THSD4: variants seen among roughly 807,000 people sequenced by gnomAD.
THSD4 encodes thrombospondin type-1 domain-containing protein 4.
THSD4 carries 69 observed loss-of-function variants against 119.0 expected under a neutral mutation model. The observed-to-expected ratio is 0.58, with a 90% confidence interval of 0.48 to 0.71. The LOEUF (loss-of-function observed/expected upper bound fraction) is 0.71. THSD4 is among the 30% of genes least tolerant of loss of function. The pLI, the probability that THSD4 is intolerant of heterozygous loss-of-function variation, is 0.00. For missense variants in THSD4, 1,393 were observed against 1,391.1 expected (o/e 1.00, Z -0.02); for synonymous variants, 524 against 540.4 (o/e 0.97, Z 0.42).
At chr15:71,514,287 G>A (rs1431994285) in intron 7 of THSD4, among the ~76,000 whole-genome samples, 1 of 152,190 alleles carries the variant, frequency 6.6e-6, no homozygotes, top group Non-Finnish European at 1.5e-5. Flanking sequence ...AATGGCACCT[G>A]TGATGGAAAG....
At chr15:71,263,721 A>T (rs113930110) in intron 6 of THSD4, among the ~76,000 whole-genome samples, 3,371 of 152,272 alleles carry the variant, frequency 0.022, 58 homozygotes, top group African/African-American at 0.044. Flanking sequence ...ATTAGAATTG[A>T]TCCACATTGT....
At chr15:71,729,407 C>T (rs2052929352) in intron 9 of THSD4, 1 of 152,280 alleles carries the variant, frequency 6.6e-6, no homozygotes, top group African/African-American at 2.4e-5. Flanking sequence ...CTTGAAATAA[C>T]ATTTTGATAA....
At chr15:71,720,734 A>G (rs912103417) in intron 8 of THSD4, among the ~76,000 whole-genome samples, 4 of 152,230 alleles carry the variant, frequency 2.6e-5, no homozygotes, top group Admixed American at 6.5e-5. Flanking sequence ...ATTTTAGACC[A>G]GAAATGGCAA....
chr15:71,523,328 A>G (rs1376569914), intron 7 of THSD4, among the ~76,000 whole-genome samples: 3 of 151,762 alleles, frequency 2.0e-5, no homozygotes, highest in Admixed American at 6.6e-5. Flanking sequence ...CATCCCTCCA[A>G]TCTCTGGCTC....
chr15:71,176,162 T>C (rs553002610), intron 3 of THSD4, among the ~76,000 whole-genome samples: 50 of 147,398 alleles, frequency 3.4e-4, no homozygotes, highest in African/African-American at 1.2e-3. Context: ...ATAAATGGAC[T>C]ACATTCTGCA....
chr15:71,317,513 T>C (rs1282663505), intron 6 of THSD4, among the ~76,000 whole-genome samples: 2 of 152,186 alleles, frequency 1.3e-5, no homozygotes, highest in Admixed American at 1.3e-4. Context: ...TTATTCACTA[T>C]CATGAGAACA....
chr15:71,123,348 A>G (rs568069627), intron 1 of THSD4, among the ~76,000 whole-genome samples: 3 of 152,300 alleles, frequency 2.0e-5, no homozygotes, highest in Admixed American at 2.0e-4. Context: ...CTGACTCTGC[A>G]TGTGTGGCTT....
At chr15:71,228,596 A>G (rs1387749191) in intron 4 of THSD4, among the ~76,000 whole-genome samples, 6 of 152,228 alleles carry the variant, frequency 3.9e-5, no homozygotes, top group Non-Finnish European at 8.8e-5. Context: ...CTTGTGTAAC[A>G]TGAGAAGAAT....
intron 7 of THSD4, among the ~76,000 whole-genome samples, chr15:71,540,776 G>A (rs573409016): frequency 6.6e-5 from 9 of 135,754 alleles, no homozygotes; most frequent in Admixed American, 4.0e-4. Context: ...AGGCTGGAGT[G>A]CAGTGGCAGG....
intron 7 of THSD4, among the ~76,000 whole-genome samples, chr15:71,558,232 G>A (rs1263256109): frequency 6.6e-6 from 1 of 152,180 alleles, no homozygotes; most frequent in Non-Finnish European, 1.5e-5. Context: ...GGAGGCTGAG[G>A]CAGGGGAATC....
At chr15:71,255,766 G>GA (rs2044308264) in intron 5 of THSD4, among the ~76,000 whole-genome samples, 1 of 152,160 alleles carries the variant, frequency 6.6e-6, no homozygotes, top group Admixed American at 6.5e-5. Context: ...TTGCTCTCAT[G>GA]AAAAATCTGT....
At chr15:71,296,911 A>G (rs2044870393) in intron 6 of THSD4, among the ~76,000 whole-genome samples, 1 of 152,186 alleles carries the variant, frequency 6.6e-6, no homozygotes. Flanking sequence ...CATCGACATC[A>G]TGAAGTCTCT....
intron 7 of THSD4, among the ~76,000 whole-genome samples, chr15:71,537,874 C>T (rs1431821806): frequency 3.9e-5 from 6 of 152,122 alleles, no homozygotes; most frequent in Middle Eastern, 3.4e-3. Context: ...GTGATTTTCA[C>T]ACCTCACCCT....
chr15:71,237,598 T>C (rs999547244), intron 4 of THSD4, among the ~76,000 whole-genome samples: 10 of 152,184 alleles, frequency 6.6e-5, no homozygotes, highest in Non-Finnish European at 8.8e-5. Context: ...CTAGACCCGC[T>C]GAAGCAGAAG....
intron 8 of THSD4, among the ~76,000 whole-genome samples, chr15:71,720,163 G>A (rs1035779281): frequency 3.3e-5 from 5 of 149,592 alleles, no homozygotes; most frequent in East Asian, 2.0e-4. Context: ...GGATCCTCTC[G>A]CCTCAGCCTC....
At chr15:71,554,169 A>G (rs915324774) in intron 7 of THSD4, among the ~76,000 whole-genome samples, 1 of 146,988 alleles carries the variant, frequency 6.8e-6, no homozygotes, top group African/African-American at 2.5e-5. Context: ...AGCTCACTGC[A>G]AGCTCCGCCT....
intron 7 of THSD4, among the ~76,000 whole-genome samples, chr15:71,556,584 AAATAAT>A (rs58535568): frequency 0.036 from 5,508 of 152,076 alleles, 324 homozygotes; most frequent in African/African-American, 0.13. Context: ...TCTACAAAAA[AAATAAT>A]AATAATTGAA....
chr15:71,497,547 T>A (rs1302235590), intron 7 of THSD4, among the ~76,000 whole-genome samples: 1 of 151,808 alleles, frequency 6.6e-6, no homozygotes, highest in Non-Finnish European at 1.5e-5. Context: ...GTGAGTGAAA[T>A]AATATATATA....
chr15:71,515,273 T>A (rs1290602507), intron 7 of THSD4, among the ~76,000 whole-genome samples: 1 of 152,234 alleles, frequency 6.6e-6, no homozygotes, highest in Non-Finnish European at 1.5e-5. Context: ...TTTGATGTTG[T>A]CTAGCTCCAT....
Sources: allele counts gnomAD v4.1 joint callset (sites outside exome capture counted in the v4.1 genomes callset), GRCh38; gene constraint gnomAD v4.1.1; transcripts MANE v1.5; gene names NCBI Gene and HGNC (gene_info 2026-07-23, HGNC 2026-07-21).